MAP7: variants seen among roughly 807,000 people sequenced by gnomAD.
MAP7 encodes ensconsin.
A neutral mutation model predicts 94.8 loss-of-function variants in MAP7; 52 were observed. The ratio of observed to expected loss-of-function variants is 0.55; its 90% CI spans 0.44 to 0.69. MAP7 has a LOEUF of 0.69. Ranked by LOEUF, MAP7 falls within the 30% of genes least tolerant of loss-of-function variation. The pLI is 0.00. For missense variants in MAP7, 940 were observed against 964.6 expected (o/e 0.97, Z 0.34); for synonymous variants, 350 against 357.0 (o/e 0.98, Z 0.22).
chr6:136,383,573 G>A (rs1390052020), intron 6 of MAP7, 98 bp downstream of exon 6: 1 of 631,278 alleles, frequency 1.6e-6, no homozygotes, highest in Non-Finnish European at 2.6e-6. Flanking sequence ...AGAAACGTAG[G>A]GAAAGCAACT....
intron 7 of MAP7, among the ~76,000 whole-genome samples, chr6:136,377,525 G>A (rs945988927): frequency 3.3e-5 from 5 of 152,180 alleles, no homozygotes. Flanking sequence ...TGAAGCCATC[G>A]GAGCCCGGGG....
chr6:136,403,226 T>C (rs1447558058), intron 3 of MAP7, among the ~76,000 whole-genome samples: 1 of 152,190 alleles, frequency 6.6e-6, no homozygotes, highest in African/African-American at 2.4e-5. Flanking sequence ...TCTAAGTCAG[T>C]ATTTGTGGAA....
chr6:136,420,029 G>T (rs1176730834), intron 2 of MAP7: 3 of 835,158 alleles, frequency 3.6e-6, no homozygotes, highest in Non-Finnish European at 6.3e-6. Flanking sequence ...ACCACTTGAT[G>T]CTGATAAACT....
intron 6 of MAP7, among the ~76,000 whole-genome samples, chr6:136,381,204 G>A (rs1043854254): frequency 2.0e-5 from 3 of 151,864 alleles, no homozygotes; most frequent in Non-Finnish European, 4.4e-5. Flanking sequence ...TTTGAGATAC[G>A]ATCTCACTCT....
intron 3 of MAP7, among the ~76,000 whole-genome samples, chr6:136,390,220 T>C (rs1467706665): frequency 1.3e-5 from 2 of 152,244 alleles, no homozygotes; most frequent in East Asian, 1.9e-4. Context: ...TATTTCAATA[T>C]GCTGCTTCCT....
intron 1 of MAP7, among the ~76,000 whole-genome samples, chr6:136,543,642 A>C (rs1829499972): frequency 6.6e-6 from 1 of 152,078 alleles, no homozygotes; most frequent in South Asian, 2.1e-4. Flanking sequence ...AACAAGAGTA[A>C]AACTCCGTCT....
Position 136,388,516 on chromosome 6 carries a change from A to G in MAP7, c.409-6T>C. 1 of 1,610,486 alleles carries G rather than the reference A, an allele frequency of 6.2e-7. No individual in the cohort carries two copies. The highest frequency in any genetic ancestry group is 8.5e-7 in the Non-Finnish European group (1 of 1,176,822). On this transcript the variant is annotated splice_region_variant and splice_polypyrimidine_tract_variant and intron_variant, in intron 4 of 17. Coordinates refer to ENST00000354570, the MANE Select transcript of MAP7 (RefSeq NM_003980.6). ...ACAACAGCTTCGTGGCGTTCCTTAG[A>G]TGGAATAGAAGAGCTGAGGATTAGA...
chr6:136,533,221 G>A (rs577232811), intron 1 of MAP7, among the ~76,000 whole-genome samples: 8 of 152,266 alleles, frequency 5.3e-5, no homozygotes, highest in African/African-American at 1.4e-4. Flanking sequence ...GCAGTCAGCC[G>A]AGATTGGGCC....
intron 3 of MAP7, among the ~76,000 whole-genome samples, chr6:136,403,429 T>A (rs1342706641): frequency 6.6e-6 from 1 of 152,240 alleles, no homozygotes; most frequent in African/African-American, 2.4e-5. Flanking sequence ...CTGCCCGATG[T>A]CTCACAACAA....
At chr6:136,487,243 T>C (rs994255356) in intron 1 of MAP7, among the ~76,000 whole-genome samples, 2 of 152,174 alleles carry the variant, frequency 1.3e-5, no homozygotes, top group African/African-American at 4.8e-5. Flanking sequence ...TGCTGTAAAC[T>C]GTAAAGAAAA....
intron 3 of MAP7, among the ~76,000 whole-genome samples, chr6:136,410,848 A>T (rs897537200): frequency 6.6e-6 from 1 of 152,190 alleles, no homozygotes; most frequent in Non-Finnish European, 1.5e-5. Flanking sequence ...CTCCTGGGAA[A>T]ATTTTGATAC....
intron 1 of MAP7, among the ~76,000 whole-genome samples, chr6:136,520,668 G>A (rs571125768): frequency 2.5e-4 from 38 of 152,274 alleles, no homozygotes; most frequent in African/African-American, 7.7e-4. Context: ...GAGCGAGAGA[G>A]GAGGTTTCCT....
intron 1 of MAP7, among the ~76,000 whole-genome samples, chr6:136,546,266 GC>G (rs1230704801): frequency 6.6e-6 from 1 of 151,272 alleles, no homozygotes; most frequent in Non-Finnish European, 1.5e-5. Context: ...GCCTGCTTCA[GC>G]CTCCCAAAGT....
In MAP7 at chr6:136,366,374, T is replaced by A; in HGVS notation, c.942A>T (p.Val314=). The A allele has an allele frequency of 1.2e-6, 2 of 1,614,232 alleles. No individual in the cohort carries two copies. The highest frequency in any genetic ancestry group is 1.7e-6 in the Non-Finnish European group (2 of 1,180,038). ...LFLTSGTRRA[V]SPSNPKARQP... ...GTCTTGCTTTGGGATTAGATGGAGA[T>A]ACAGCCCTTCGGGTGCCAGATGTGA... The change falls in exon 9 of 18, where the codon GTA becomes GTT. Residue 314 remains valine (V), a synonymous_variant. Transcript: ENST00000354570.
chr6:136,364,301 C>T, intron 10 of MAP7: 2 of 509,264 alleles, frequency 3.9e-6, no homozygotes, highest in Non-Finnish European at 7.8e-6. Flanking sequence ...CCAATGTTGA[C>T]ATGGGGAGCC....
chr6:136,354,277 T>A (rs925065398), intron 16 of MAP7, among the ~76,000 whole-genome samples: 2 of 145,446 alleles, frequency 1.4e-5, no homozygotes, highest in African/African-American at 5.0e-5. Flanking sequence ...AATATATATC[T>A]ACTATATATA....
At chr6:136,358,270 G>T (rs1791551005) in intron 15 of MAP7, among the ~76,000 whole-genome samples, 1 of 152,126 alleles carries the variant, frequency 6.6e-6, no homozygotes, top group African/African-American at 2.4e-5. Context: ...AAACCAACAA[G>T]GAGACTGGAC....
In MAP7 at chr6:136,505,251, A is replaced by ATGTG. The variant is rs67294964; in HGVS notation, c.67+45087_67+45090dup. 8.3e-4 allele frequency among the ~76,000 whole-genome samples: 73 copies of ATGTG among 87,446 alleles called. 1 individual carries two copies. Among genetic ancestry groups the ATGTG allele is most frequent in the African/African-American group, 2.4e-3 (50 of 21,196 alleles). 57.4% of individuals were successfully genotyped at this position (87,446 alleles called of 152,430 possible). A position where few individuals can be genotyped will look rare whatever the true frequency, so the allele number is the denominator to read the frequency against. Reference sequence around the variant, plus strand: ...CAATTGTATATTACATTTCCATGTAATGTGTGTGTGTGTGTGTGTGTGTGT... The same window carrying ATGTG: ...CAATTGTATATTACATTTCCATGTAATGTGTGTGTGTGTGTGTGTGTGTGTGTGT... On this transcript the variant is annotated intron_variant, in intron 1 of 17. Transcript: ENST00000354570.
chr6:136,395,657 C>T (rs1042326970), intron 3 of MAP7, among the ~76,000 whole-genome samples: 1 of 152,010 alleles, frequency 6.6e-6, no homozygotes, highest in Non-Finnish European at 1.5e-5. Context: ...AGCATTTCCC[C>T]AATGCTTTCT....
Sources: gnomAD v4.1 joint callset for allele counts (sites outside exome capture counted in the v4.1 genomes callset) on GRCh38, gnomAD v4.1.1 for gene constraint, MANE v1.5 for transcripts, NCBI Gene and HGNC (gene_info 2026-07-23, HGNC 2026-07-21) for gene names.